PTPRD: variants seen among roughly 807,000 people sequenced by gnomAD.
The protein encoded by PTPRD is receptor-type tyrosine-protein phosphatase delta.
Under a neutral mutation model 214.5 loss-of-function variants are expected in PTPRD, and 34 were observed. The ratio of observed to expected loss-of-function variants is 0.16; its 90% CI spans 0.12 to 0.21. The LOEUF (loss-of-function observed/expected upper bound fraction) is 0.21. PTPRD is among the 10% of genes least tolerant of loss of function. The pLI is 1.00. For synonymous variants in PTPRD, 1,128 were observed against 845.7 expected (o/e 1.33, Z -5.79); for missense variants, 2,545 against 2,398.7 (o/e 1.06, Z -1.27).
intron 11 of PTPRD, among the ~76,000 whole-genome samples, chr9:8,939,498 A>C (rs915125064): frequency 1.3e-5 from 2 of 152,212 alleles, no homozygotes; most frequent in Non-Finnish European, 2.9e-5. Flanking sequence ...CCAAAGAACT[A>C]TGTAAATAAA....
chr9:9,949,308 T>C (rs560584640), intron 4 of PTPRD, among the ~76,000 whole-genome samples: 134 of 152,270 alleles, frequency 8.8e-4, no homozygotes, highest in African/African-American at 3.0e-3. Context: ...ACACCAAGGC[T>C]TCCTAACCTT....
rs535166562 is a variant in PTPRD at position 9,770,353 on chromosome 9, C to G, written c.-367-3502G>C. Among the ~76,000 whole-genome samples the G allele has an allele frequency of 1.6e-4, 25 of 152,202 alleles. No homozygotes were observed. The South Asian group carries it at 4.8e-3, about 29-fold the overall frequency. On this transcript the variant is annotated intron_variant, in intron 5 of 45. Transcript: ENST00000381196. ...ACATCACAATTTAACAAGTAACAACCAAAGTCACTTTTAAGAAAAATACGG... is the reference window on the plus strand; with the variant it reads ...ACATCACAATTTAACAAGTAACAACGAAAGTCACTTTTAAGAAAAATACGG...
intron 11 of PTPRD, among the ~76,000 whole-genome samples, chr9:8,748,581 G>T (rs114103667): frequency 6.9e-6 from 1 of 145,778 alleles, no homozygotes; most frequent in South Asian, 2.2e-4. Context: ...ACTTCTTCCC[G>T]TAATTGTCAC....
chr9:9,611,247 C>T (rs187953618), intron 7 of PTPRD, among the ~76,000 whole-genome samples: 17 of 152,204 alleles, frequency 1.1e-4, no homozygotes, highest in African/African-American at 4.1e-4. Context: ...TTAATGATGA[C>T]ATATAAATAA....
Position 8,331,741 on chromosome 9 carries a change from A to C in PTPRD, c.5380-5T>G. 1 of 1,583,286 alleles carries C rather than the reference A, an allele frequency of 6.3e-7. No homozygotes were observed. Among genetic ancestry groups the C allele is most frequent in the Non-Finnish European group, 8.6e-7 (1 of 1,166,132 alleles). ...TACTGTTCGGGACTGGCCGTCCTTTAGAAGGAAAGCCACATACCCGGCCGC... is the reference window on the plus strand; with the variant it reads ...TACTGTTCGGGACTGGCCGTCCTTTCGAAGGAAAGCCACATACCCGGCCGC... On this transcript the variant is annotated splice_region_variant and splice_polypyrimidine_tract_variant and intron_variant, in intron 43 of 45. Coordinates refer to ENST00000381196, the MANE Select transcript of PTPRD (RefSeq NM_002839.4).
At chr9:8,569,938 A>C (rs1187411344) in intron 14 of PTPRD, among the ~76,000 whole-genome samples, 1 of 152,182 alleles carries the variant, frequency 6.6e-6, no homozygotes, top group East Asian at 1.9e-4. Flanking sequence ...TACAGAGCAG[A>C]TATCAACAAC....
intron 8 of PTPRD, among the ~76,000 whole-genome samples, chr9:9,545,739 TG>T (rs1159169935): frequency 6.6e-6 from 1 of 151,794 alleles, no homozygotes; most frequent in Non-Finnish European, 1.5e-5. Context: ...TGAAGTTCGC[TG>T]ATGTCAGTCC....
At chr9:10,269,142 A>G (rs548702169) in intron 3 of PTPRD, among the ~76,000 whole-genome samples, 1 of 152,304 alleles carries the variant, frequency 6.6e-6, no homozygotes, top group East Asian at 1.9e-4. Context: ...TACTGCTGCC[A>G]GCCCCATACC....
intron 3 of PTPRD, among the ~76,000 whole-genome samples, chr9:10,261,419 G>C (rs150967043): frequency 7.2e-4 from 109 of 152,074 alleles, no homozygotes; most frequent in African/African-American, 2.4e-3. Flanking sequence ...ATTGAAATTA[G>C]GACATTAAAA....
intron 39 of PTPRD, among the ~76,000 whole-genome samples, chr9:8,346,564 C>G (rs1030901949): frequency 1.3e-5 from 2 of 152,128 alleles, no homozygotes; most frequent in African/African-American, 4.8e-5. Context: ...GGGTGTGAAT[C>G]AATCCCTTTG....
intron 11 of PTPRD, among the ~76,000 whole-genome samples, chr9:8,905,695 C>G (rs916539421): frequency 2.0e-5 from 3 of 149,192 alleles, no homozygotes; most frequent in Admixed American, 6.7e-5. Context: ...GCCGGAATCA[C>G]GCCACTGCAT....
intron 11 of PTPRD, among the ~76,000 whole-genome samples, chr9:8,986,044 T>C (rs1264880200): frequency 6.6e-6 from 1 of 152,088 alleles, no homozygotes; most frequent in Non-Finnish European, 1.5e-5. Flanking sequence ...AACTAACTTT[T>C]TGAGTCTGTT....
In PTPRD at chr9:10,491,449, T is replaced by C. The variant is rs111523592; in HGVS notation, c.-600+120949A>G. Among the ~76,000 whole-genome samples the C allele has an allele frequency of 5.9e-3, 905 of 152,240 alleles. 6 individuals carry two copies. The highest frequency in any genetic ancestry group is 0.021 in the African/African-American group (872 of 41,558). ...GTCTACTTGTATTTCTAATAGCAATTATAAAGAATCACGAAGTAAATATCA... is the reference window on the plus strand; with the variant it reads ...GTCTACTTGTATTTCTAATAGCAATCATAAAGAATCACGAAGTAAATATCA... On this transcript the variant is annotated intron_variant, in intron 2 of 45. Coordinates refer to ENST00000381196, the MANE Select transcript of PTPRD (RefSeq NM_002839.4).
At chr9:10,384,375 T>C (rs2097876194) in intron 2 of PTPRD, among the ~76,000 whole-genome samples, 1 of 151,744 alleles carries the variant, frequency 6.6e-6, no homozygotes, top group African/African-American at 2.4e-5. Context: ...ATACTTTTTC[T>C]TGACTGGGTG....
At chr9:9,353,419 A>T (rs1349648397) in intron 9 of PTPRD, among the ~76,000 whole-genome samples, 2 of 151,988 alleles carry the variant, frequency 1.3e-5, no homozygotes, top group Non-Finnish European at 2.9e-5. Flanking sequence ...TAATGAACAA[A>T]GAAATAAAGC....
At chr9:9,848,920 T>C (rs2060036026) in intron 5 of PTPRD, among the ~76,000 whole-genome samples, 1 of 152,022 alleles carries the variant, frequency 6.6e-6, no homozygotes, top group Admixed American at 6.6e-5. Context: ...AAATGAGCAC[T>C]TTGGTAATTT....
chr9:10,165,714 G>C (rs906228971), intron 3 of PTPRD, among the ~76,000 whole-genome samples: 1 of 151,378 alleles, frequency 6.6e-6, no homozygotes, highest in Admixed American at 6.6e-5. Context: ...AAATTTAAAT[G>C]TTTATTACAG....
chr9:9,014,676 A>AATTTCTCCT (rs1477800056), intron 11 of PTPRD, among the ~76,000 whole-genome samples: 2 of 152,164 alleles, frequency 1.3e-5, no homozygotes, highest in African/African-American at 2.4e-5. Context: ...ATGGGAGACA[A>AATTTCTCCT]TCTGAGGAAG....
At chr9:10,148,681 T>A (rs901323278) in intron 3 of PTPRD, among the ~76,000 whole-genome samples, 1 of 152,172 alleles carries the variant, frequency 6.6e-6, no homozygotes, top group Non-Finnish European at 1.5e-5. Context: ...CAAGTCAATC[T>A]CAATTTTGGC....
Sources: allele counts gnomAD v4.1 joint callset (sites outside exome capture counted in the v4.1 genomes callset), GRCh38; gene constraint gnomAD v4.1.1; transcripts MANE v1.5; gene names NCBI Gene and HGNC (gene_info 2026-07-23, HGNC 2026-07-21).